The following DENND2D variants were observed in gnomAD, a reference collection of about 807,000 sequenced individuals.
DENND2D encodes the protein DENN domain containing 2D.
In DENND2D, 37 loss-of-function variants were observed where a neutral mutation model predicts 59.8. The observed-to-expected ratio is 0.62, with a 90% confidence interval of 0.48 to 0.81. DENND2D has a LOEUF of 0.81. Among genes scored for constraint, DENND2D ranks in the 40% least tolerant of loss-of-function variants. DENND2D has a pLI of 0.00. For missense variants in DENND2D, 525 were observed against 579.7 expected, an observed-to-expected ratio of 0.91 and a Z score of 0.97; for synonymous variants, 219 against 211.3, an observed-to-expected ratio of 1.04 and a Z score of -0.31.
At chr1:111,198,062 A>G in intron 3 of DENND2D, 73 bp from the exon 4 acceptor site, 1 of 1,485,000 alleles carries the variant, frequency 6.7e-7, no homozygotes, top group Non-Finnish European at 9.3e-7. Context: ...TCAGCACTAG[A>G]GGGTGGAGAG....
upstream of DENND2D, among the ~76,000 whole-genome samples, chr1:111,202,012 T>A (rs896234462): frequency 6.6e-6 from 1 of 152,304 alleles, no homozygotes; most frequent in East Asian, 1.9e-4. Context: ...CATAAAGTAA[T>A]TCAAAGGCTA....
At chr1:111,197,516 T>C (rs766775299) in intron 4 of DENND2D, 2 of 1,392,290 alleles carry the variant, frequency 1.4e-6, no homozygotes, top group African/African-American at 2.9e-5. Context: ...GCCTTAGAGA[T>C]GAAGAAATGG....
At chr1:111,199,306 T>G (rs1430416903) in intron 2 of DENND2D, among the ~76,000 whole-genome samples, 2 of 152,152 alleles carry the variant, frequency 1.3e-5, no homozygotes, top group African/African-American at 2.4e-5. Flanking sequence ...AAGGTAAGCT[T>G]CTCTGCAGAG....
At chr1:111,188,637 G>C in intron 10 of DENND2D, 65 bp downstream of exon 10, 2 of 1,437,718 alleles carry the variant, frequency 1.4e-6, no homozygotes, top group Non-Finnish European at 9.8e-7. Context: ...AGTTCTGGAA[G>C]GGAATGATTG....
At chr1:111,198,027 A>G in intron 3 of DENND2D, 38 bp from the exon 4 acceptor site, 1 of 1,601,446 alleles carries the variant, frequency 6.2e-7, no homozygotes, top group Non-Finnish European at 8.5e-7. Context: ...TGTATTGCTC[A>G]CTGAATCCTA....
rs577431480 is a variant in DENND2D at position 111,187,184 on chromosome 1, A to G, written c.*421T>C. On this transcript the variant is annotated 3_prime_UTR_variant, in exon 12 of 12. Coordinates refer to ENST00000357640, the MANE Select transcript of DENND2D (RefSeq NM_024901.5). The stretch of plus-strand genomic sequence containing the variant: ...AGCCAAAGACACATATAAAAATAAG[A>G]TTTTCCTCTTTACTCTCGTCCTTAC... 6.2e-6 allele frequency: 1 copy of G among 160,442 alleles called. No individual in the cohort carries two copies. Among genetic ancestry groups the G allele is most frequent in the African/African-American group, 2.4e-5 (1 of 41,744 alleles). 9.9% of individuals were successfully genotyped at this position (160,442 alleles called of 1,614,324 possible). A position where few individuals can be genotyped will look rare whatever the true frequency, so the allele number is the denominator to read the frequency against.
intron 3 of DENND2D, 93 bp downstream of exon 3, chr1:111,198,537 A>G (rs951757894): frequency 2.3e-5 from 29 of 1,272,522 alleles, no homozygotes; most frequent in Non-Finnish European, 3.0e-5. Context: ...AAATCAACAA[A>G]TGACAGCAGT....
At position 111,198,876 on chromosome 1, in the gene DENND2D, G is replaced by A. The variant is rs776185934; in HGVS notation, c.244-134C>T. The A allele has an allele frequency of 3.5e-4, 287 of 817,690 alleles. 1 individual carries two copies. Among genetic ancestry groups the A allele is most frequent in the African/African-American group, 1.2e-3 (70 of 59,058 alleles). 50.7% of individuals were successfully genotyped at this position (817,690 alleles called of 1,614,324 possible). A position where few individuals can be genotyped will look rare whatever the true frequency, so the allele number is the denominator to read the frequency against. On this transcript the variant is annotated intron_variant, in intron 2 of 11. Transcript: ENST00000357640. ...TAAGCTTCTCCACTAGCATAGGGGCGAAGGGTGCCTTTGCCCATGACTCTG... is the reference window on the plus strand; with the variant it reads ...TAAGCTTCTCCACTAGCATAGGGGCAAAGGGTGCCTTTGCCCATGACTCTG...
At chr1:111,198,044 G>A in intron 3 of DENND2D, 55 bp from the exon 4 acceptor site, 2 of 1,578,666 alleles carry the variant, frequency 1.3e-6, no homozygotes, top group Non-Finnish European at 1.7e-6. Context: ...CCTAAAACAG[G>A]AAAGTGGTCA....
In DENND2D at chr1:111,192,646, AATTG is replaced by A. The variant is rs1240658467; in HGVS notation, c.795-333_795-330del. 7.2e-5 allele frequency among the ~76,000 whole-genome samples: 11 copies of A among 152,304 alleles called. No homozygotes were observed. The East Asian group carries it at 9.7e-4, about 13-fold the overall frequency. ...AAGAGTTGCTTTCATTCAAGGAGAT[AATTG>A]ATTGAGCCCCTAGCCTGTGCTCACA... is the stretch of plus-strand genomic sequence containing the variant. On this transcript the variant is annotated intron_variant, in intron 7 of 11. Coordinates refer to ENST00000357640, the MANE Select transcript of DENND2D (RefSeq NM_024901.5).
At chr1:111,202,019 G>A (rs544377231), upstream of DENND2D, among the ~76,000 whole-genome samples, 6 of 152,246 alleles carry the variant, frequency 3.9e-5, no homozygotes, top group African/African-American at 1.2e-4. Flanking sequence ...TAATTCAAAG[G>A]CTATTAAAAT....
chr1:111,200,236 T>C, intron 1 of DENND2D, 157 bp downstream of exon 1: 1 of 1,005,134 alleles, frequency 9.9e-7, no homozygotes, highest in Non-Finnish European at 1.5e-6. Flanking sequence ...GACCAGCTCT[T>C]AAAAACCAGC....
chr1:111,203,355 C>A (rs192974544), upstream of DENND2D, among the ~76,000 whole-genome samples: 2 of 152,202 alleles, frequency 1.3e-5, no homozygotes, highest in African/African-American at 4.8e-5. Flanking sequence ...GGCCTCCTGG[C>A]GTGCCAATGT....
At chr1:111,197,676 G>A (rs1658376299) in intron 4 of DENND2D, 3 of 1,392,260 alleles carry the variant, frequency 2.2e-6, no homozygotes, top group Admixed American at 5.9e-5. Context: ...AGAGGAGTTA[G>A]TTGTATTGAA....
intron 8 of DENND2D, among the ~76,000 whole-genome samples, chr1:111,191,617 C>T (rs1287047179): frequency 6.6e-6 from 1 of 152,204 alleles, no homozygotes; most frequent in African/African-American, 2.4e-5. Context: ...CCTATATCCT[C>T]ATTAGCCACC....
rs1376043361 is a variant in DENND2D at position 111,188,235 on chromosome 1, G to T, written c.1235C>A (p.Ala412Asp). Residue 412 changes from alanine (A) to aspartate (D), a missense_variant, in exon 11 of 12, where the codon GCT becomes GAT. Transcript: ENST00000357640. ...TCGGCGGTTGGTCTTGGAGGTCAGA[G>T]CCTTACAGAAGGATCTTTCTTGGAA... ...GHFQERSFCK[A>D]LTSKTNRRFV... is the part of the protein sequence containing the mutation. 6.8e-6 allele frequency: 11 copies of T among 1,614,064 alleles called. No individual in the cohort carries two copies. Among genetic ancestry groups the T allele is most frequent in the African/African-American group, 1.3e-5 (1 of 74,916 alleles).
chr1:111,197,197 G>A lies in DENND2D; in HGVS notation c.483C>T (p.Gly161=). The A allele has an allele frequency of 6.2e-7, 1 of 1,613,944 alleles. No homozygotes were observed. Among genetic ancestry groups the A allele is most frequent in the African/African-American group, 1.3e-5 (1 of 75,056 alleles). ...CTACCTTGGAGAACAAGCCGAAGCA[G>A]CCGATGCAGCTGATGATGCAGTACA... ...PKVYCIISCI[G]CFGLFSKILD... The change falls in exon 5 of 12, where the codon GGC becomes GGT. Residue 161 remains glycine (G), a synonymous_variant. Transcript: ENST00000357640.
intron 3 of DENND2D, 96 bp from the exon 4 acceptor site, chr1:111,198,085 G>T: frequency 2.5e-6 from 3 of 1,208,432 alleles, no homozygotes; most frequent in Non-Finnish European, 3.6e-6. Flanking sequence ...GGGCAAAGGG[G>T]AGTTGCTGAT....
chr1:111,199,953 G>T, intron 1 of DENND2D, 155 bp from the exon 2 acceptor site: 1 of 930,278 alleles, frequency 1.1e-6, no homozygotes, highest in Non-Finnish European at 1.6e-6. Context: ...TCAGGATCAG[G>T]GCCAAATGGG....
Sources: gnomAD v4.1 joint callset for allele counts (sites outside exome capture counted in the v4.1 genomes callset) on GRCh38, gnomAD v4.1.1 for gene constraint, MANE v1.5 for transcripts, NCBI Gene and HGNC (gene_info 2026-07-23, HGNC 2026-07-21) for gene names.